The following DCC variants were observed in gnomAD, a reference collection of about 807,000 sequenced individuals.
DCC encodes the protein netrin receptor DCC.
Under a neutral mutation model 172.5 loss-of-function variants are expected in DCC, and 58 were observed. The ratio of observed to expected loss-of-function variants is 0.34; its 90% CI spans 0.27 to 0.42. The LOEUF is 0.42. DCC is among the 10% of genes least tolerant of loss of function. The probability of loss-of-function intolerance (pLI) is 1.00; values close to 1 mark genes in which losing one functional copy is unlikely to be tolerated. For synonymous variants in DCC, 709 were observed against 644.5 expected, an observed-to-expected ratio of 1.10 and a Z score of -1.52; for missense variants, 1,740 against 1,791.0, an observed-to-expected ratio of 0.97 and a Z score of 0.51.
rs186617281 is a variant in DCC, at chr18:52,634,236, T to C, written c.92-117818T>C. 1.4e-3 allele frequency among the ~76,000 whole-genome samples: 220 copies of C among 152,338 alleles called. 2 individuals carry two copies. Among genetic ancestry groups the C allele is most frequent in the African/African-American group, 5.2e-3 (215 of 41,588 alleles). The stretch of plus-strand genomic sequence containing the variant: ...CCCTGGGTCTATCAGCAGTAATAAA[T>C]TTTAATCGGTTAGGCACTTTTTAAG... On this transcript the variant is annotated intron_variant, in intron 1 of 28. Transcript: ENST00000442544.
chr18:52,745,469 G>A (rs2145121311), intron 1 of DCC, among the ~76,000 whole-genome samples: 1 of 152,116 alleles, frequency 6.6e-6, no homozygotes, highest in Admixed American at 6.5e-5. Flanking sequence ...ATGGGGCAGG[G>A]CCTAGAATTG....
intron 5 of DCC, among the ~76,000 whole-genome samples, chr18:52,973,929 G>A (rs72928114): frequency 0.035 from 5,348 of 152,092 alleles, 126 homozygotes; most frequent in African/African-American, 0.054. Context: ...GTTTTCTCCT[G>A]TGCTTTGGGC....
chr18:52,485,983 ATATT>A (rs2030199401), intron 1 of DCC, among the ~76,000 whole-genome samples: 1 of 151,974 alleles, frequency 6.6e-6, no homozygotes, highest in Non-Finnish European at 1.5e-5. Flanking sequence ...TTCCCAGCTG[ATATT>A]TATTTATTTT....
At chr18:52,419,892 A>C (rs1471750615) in intron 1 of DCC, among the ~76,000 whole-genome samples, 2 of 152,202 alleles carry the variant, frequency 1.3e-5, no homozygotes, top group Admixed American at 1.3e-4. Context: ...TTTATATATA[A>C]CAATCCCATA....
chr18:53,372,100 T>C (rs1259031171), intron 15 of DCC, among the ~76,000 whole-genome samples: 1 of 152,120 alleles, frequency 6.6e-6, no homozygotes, highest in East Asian at 1.9e-4. Flanking sequence ...GACTGAGCAA[T>C]CCTATTACTG....
intron 5 of DCC, among the ~76,000 whole-genome samples, chr18:53,037,793 G>A (rs931201368): frequency 6.6e-6 from 1 of 151,700 alleles, no homozygotes; most frequent in African/African-American, 2.4e-5. Flanking sequence ...CAGCTGTCAC[G>A]AGACTCACTT....
chr18:52,890,760 T>A (rs545799312), intron 2 of DCC, among the ~76,000 whole-genome samples: 2 of 152,242 alleles, frequency 1.3e-5, no homozygotes, highest in Admixed American at 6.6e-5. Context: ...TGTAGAAGTA[T>A]CTATGCGTCA....
chr18:52,748,283 G>T (rs11877285), intron 1 of DCC, among the ~76,000 whole-genome samples: 5,211 of 152,294 alleles, frequency 0.034, 129 homozygotes, highest in Admixed American at 0.049. Flanking sequence ...GGAACACGGT[G>T]ACACCCAAAA....
Position 53,063,357 on chromosome 18 carries a change from G to A in DCC, c.1038G>A (p.Met346Ile). Residue 346 changes from methionine to isoleucine, a missense_variant, in exon 6 of 29, where the codon ATG becomes ATA. Physicochemically the swap from Met to Ile is conservative, Grantham distance 10 (BLOSUM62 1). Coordinates refer to ENST00000442544, the MANE Select transcript of DCC (RefSeq NM_005215.4). The stretch of plus-strand genomic sequence containing the variant: ...CCAACCTGTATGCCTATGAAAGCAT[G>A]GATATTGAGTTTGAATGTACAGTCT... ...HPSNLYAYES[M>I]DIEFECTVSG... is the part of the protein sequence containing the mutation. The A allele has an allele frequency of 6.2e-7, 1 of 1,613,144 alleles. No homozygotes were observed.
rs775173653 is a variant in DCC at position 53,397,436 on chromosome 18, G to C, written c.2817G>C (p.Thr939=). 6.2e-7 allele frequency: 1 copy of C among 1,613,822 alleles called. No individual in the cohort carries two copies. The highest frequency in any genetic ancestry group is 1.7e-5 in the Admixed American group (1 of 59,992). The change falls in exon 18 of 29, where the codon ACG becomes ACC. Residue 939 remains threonine, a synonymous_variant. Coordinates refer to ENST00000442544, the MANE Select transcript of DCC (RefSeq NM_005215.4). ...GGAGCATGACTGCACATGCCACCACGTATGAAGCAGGTATGTGAGGAAATG... is the reference window on the plus strand; with the variant it reads ...GGAGCATGACTGCACATGCCACCACCTATGAAGCAGGTATGTGAGGAAATG... ...STWSMTAHAT[T]YEAAPTSAPK... is the part of the protein sequence containing the mutation.
intron 13 of DCC, among the ~76,000 whole-genome samples, chr18:53,309,354 T>G (rs1304639986): frequency 1.3e-5 from 2 of 152,122 alleles, no homozygotes; most frequent in Non-Finnish European, 2.9e-5. Flanking sequence ...CCTCTTCCAA[T>G]TAGGACATTA....
intron 27 of DCC, among the ~76,000 whole-genome samples, chr18:53,503,204 G>A (rs2046125907): frequency 6.6e-6 from 1 of 152,102 alleles, no homozygotes; most frequent in African/African-American, 2.4e-5. Context: ...GGGTTGCAGA[G>A]CATTTTGCAA....
At chr18:53,201,077 A>C (rs2055529363) in intron 9 of DCC, among the ~76,000 whole-genome samples, 1 of 152,078 alleles carries the variant, frequency 6.6e-6, no homozygotes, top group Non-Finnish European at 1.5e-5. Context: ...ATTGTGCTCT[A>C]GTGGGAGAGA....
chr18:52,391,471 A>C (rs1483909381), intron 1 of DCC, among the ~76,000 whole-genome samples: 2 of 152,144 alleles, frequency 1.3e-5, no homozygotes, highest in Admixed American at 6.5e-5. Context: ...GACCAGAGGA[A>C]GTTGGTTTTA....
chr18:53,310,307 G>T (rs1402549444), intron 13 of DCC, among the ~76,000 whole-genome samples: 1 of 151,932 alleles, frequency 6.6e-6, no homozygotes, highest in Non-Finnish European at 1.5e-5. Context: ...AAAATGTAAA[G>T]GATTTGATCC....
At chr18:53,455,276 A>G (rs2045469504) in intron 23 of DCC, among the ~76,000 whole-genome samples, 1 of 152,196 alleles carries the variant, frequency 6.6e-6, no homozygotes. Context: ...GTTGGGAACA[A>G]CTTTAGCAGA....
intron 14 of DCC, among the ~76,000 whole-genome samples, chr18:53,334,755 A>G (rs1386051488): frequency 6.6e-6 from 1 of 152,230 alleles, no homozygotes; most frequent in African/African-American, 2.4e-5. Context: ...GCGTGTCTCA[A>G]AAATTCAATT....
intron 1 of DCC, among the ~76,000 whole-genome samples, chr18:52,601,262 G>A (rs754179503): frequency 2.6e-5 from 4 of 151,758 alleles, no homozygotes; most frequent in Non-Finnish European, 4.4e-5. Context: ...TTATACATGT[G>A]TCTTTATTAT....
chr18:53,332,980 A>T (rs2057547333), intron 14 of DCC, among the ~76,000 whole-genome samples: 1 of 152,014 alleles, frequency 6.6e-6, no homozygotes, highest in Admixed American at 6.6e-5. Context: ...TGAGGTGGGA[A>T]GATCACTTGA....
Sources: gnomAD v4.1 joint callset for allele counts (sites outside exome capture counted in the v4.1 genomes callset) on GRCh38, gnomAD v4.1.1 for gene constraint, MANE v1.5 for transcripts, NCBI Gene and HGNC (gene_info 2026-07-23, HGNC 2026-07-21) for gene names.